Variants in MLKL observed in about 807,000 individuals in gnomAD.
MLKL encodes the protein mixed lineage kinase domain like pseudokinase.
In MLKL, 55 loss-of-function variants were observed where a neutral mutation model predicts 56.5. The observed-to-expected ratio is 0.97, with a 90% confidence interval of 0.78 to 1.22. MLKL has a LOEUF of 1.22. MLKL is among the 50% of genes most tolerant of loss of function. The pLI, the probability that MLKL is intolerant of heterozygous loss-of-function variation, is 0.00. For missense variants in MLKL, 694 were observed against 573.9 expected, an observed-to-expected ratio of 1.21 and a Z score of -2.14; for synonymous variants, 251 against 208.3, an observed-to-expected ratio of 1.20 and a Z score of -1.76.
At chr16:74,697,908 T>A (rs904065350) in intron 1 of MLKL, among the ~76,000 whole-genome samples, 2 of 152,058 alleles carry the variant, frequency 1.3e-5, no homozygotes, top group African/African-American at 4.8e-5. Flanking sequence ...TTTCAAAGTA[T>A]TTAAAATAAA....
At chr16:74,696,954 C>CA (rs1961079685) in intron 1 of MLKL, among the ~76,000 whole-genome samples, 1 of 138,150 alleles carries the variant, frequency 7.2e-6, no homozygotes, top group African/African-American at 3.0e-5. Context: ...TATAATATTA[C>CA]ATATATATAG....
chr16:74,675,143 C>T (rs973525137), intron 9 of MLKL, 43 bp from the exon 10 acceptor site: 7 of 1,607,100 alleles, frequency 4.4e-6, no homozygotes, highest in Admixed American at 1.7e-5. Context: ...TGCTCCGCTA[C>T]TCGTACATCT....
chr16:74,675,454 C>G, intron 8 of MLKL, 50 bp from the exon 9 acceptor site: 1 of 1,600,962 alleles, frequency 6.2e-7, no homozygotes, highest in Non-Finnish European at 8.5e-7. Flanking sequence ...TCCCCTTTCC[C>G]CTGTCCCTCT....
chr16:74,673,895 C>A (rs1368014866), intron 10 of MLKL, among the ~76,000 whole-genome samples: 1 of 147,484 alleles, frequency 6.8e-6, no homozygotes. Context: ...GTGCCATGAT[C>A]CTACCTGTCA....
intron 2 of MLKL, 74 bp from the exon 3 acceptor site, chr16:74,692,490 T>C: frequency 2.5e-6 from 3 of 1,216,184 alleles, no homozygotes; most frequent in South Asian, 1.3e-5. Flanking sequence ...AAAATGCTAA[T>C]TAAAACTGTT....
intron 8 of MLKL, 60 bp downstream of exon 8, chr16:74,675,553 G>C (rs927516737): frequency 1.8e-5 from 29 of 1,582,968 alleles, no homozygotes; most frequent in Non-Finnish European, 2.3e-5. Flanking sequence ...GGAGGAGTTT[G>C]ATTTGGGTTT....
intron 4 of MLKL, among the ~76,000 whole-genome samples, chr16:74,686,062 C>A (rs903305306): frequency 6.6e-6 from 1 of 151,602 alleles, no homozygotes; most frequent in Admixed American, 6.6e-5. Context: ...CAGGTTGAAG[C>A]AATTCTCATG....
chr16:74,684,149 T>C (rs1022005828), intron 5 of MLKL, among the ~76,000 whole-genome samples: 9 of 152,002 alleles, frequency 5.9e-5, no homozygotes, highest in African/African-American at 2.2e-4. Flanking sequence ...GGTTTTATCA[T>C]GTTGGCCAGG....
intron 5 of MLKL, among the ~76,000 whole-genome samples, chr16:74,685,200 C>G (rs1349308226): frequency 1.3e-5 from 2 of 152,162 alleles, no homozygotes; most frequent in Non-Finnish European, 2.9e-5. Context: ...ATGCACCCCT[C>G]TTCCAGGCTG....
At chr16:74,681,334 G>A (rs958849622) in intron 6 of MLKL, among the ~76,000 whole-genome samples, 4 of 152,068 alleles carry the variant, frequency 2.6e-5, no homozygotes, top group Admixed American at 6.6e-5. Context: ...CCTTTATTCC[G>A]ATTTTTAAAA....
rs776783727 is a variant in MLKL, at chr16:74,675,742, T to C, written c.1061A>G (p.Lys354Arg). 13 of 1,614,184 alleles carry C rather than the reference T, an allele frequency of 8.1e-6. No individual in the cohort carries two copies. Among genetic ancestry groups the C allele is most frequent in the Non-Finnish European group, 1.0e-5 (12 of 1,180,040 alleles). The change falls in exon 8 of 11, where the codon AAA (lysine) becomes AGA (arginine). Residue 354 changes from lysine (K) to arginine (R), a missense_variant. Physicochemically the swap from Lys to Arg is conservative, Grantham distance 26 (BLOSUM62 2). Coordinates refer to ENST00000308807, the MANE Select transcript of MLKL (RefSeq NM_152649.4). ...QVKLAGFELR[K>R]TQTSMSLGTT... ...TCCCAAACTCATGGAAGTCTGTGTT[T>C]TCCTCAACTCAAATCCTGCAAGCTA...
chr16:74,695,793 C>G (rs1961003498), intron 1 of MLKL, 34 bp from the exon 2 acceptor site: 2 of 1,532,462 alleles, frequency 1.3e-6, no homozygotes, highest in Admixed American at 1.9e-5. Context: ...GTGAAATCCC[C>G]AAATCTCCTG....
chr16:74,682,176 G>GA (rs1239575576), intron 6 of MLKL, among the ~76,000 whole-genome samples: 4 of 152,068 alleles, frequency 2.6e-5, no homozygotes, highest in African/African-American at 9.7e-5. Context: ...AATCCCTTCA[G>GA]CTCGGGAGGT....
chr16:74,699,032 G>C (rs1961221325), intron 1 of MLKL, among the ~76,000 whole-genome samples: 1 of 152,028 alleles, frequency 6.6e-6, no homozygotes, highest in Non-Finnish European at 1.5e-5. Flanking sequence ...AGAATTGCTT[G>C]AACCCGGGAG....
chr16:74,683,247 T>G (rs1459884779), intron 5 of MLKL, among the ~76,000 whole-genome samples: 1 of 149,140 alleles, frequency 6.7e-6, no homozygotes, highest in Non-Finnish European at 1.5e-5. Context: ...TGGCAGAGAT[T>G]GCACCACTGC....
intron 2 of MLKL, among the ~76,000 whole-genome samples, chr16:74,693,467 A>AAAAAAAT: frequency 1.5e-5 from 1 of 67,760 alleles, no homozygotes; most frequent in East Asian, 3.4e-4. Flanking sequence ...AAAAAAAAAA[A>AAAAAAAT]AGAAAAGAAA....
At position 74,675,608 on chromosome 16, in the gene MLKL, T is replaced by A; in HGVS notation, c.1190+5A>T. ...GTTAGAATCTGTACCAGAACGTGAGTGTACCTGTATATTTCAGACTTTACA... is the reference window on the plus strand; with the variant it reads ...GTTAGAATCTGTACCAGAACGTGAGAGTACCTGTATATTTCAGACTTTACA... On this transcript the variant is annotated splice_donor_5th_base_variant and intron_variant, in intron 8 of 10. Transcript: ENST00000308807. 1 of 1,611,942 alleles carries A rather than the reference T, an allele frequency of 6.2e-7. No homozygotes were observed.
intron 5 of MLKL, among the ~76,000 whole-genome samples, chr16:74,683,166 G>C (rs2144495022): frequency 6.6e-6 from 1 of 152,090 alleles, no homozygotes; most frequent in East Asian, 1.9e-4. Context: ...AAAATTAGCT[G>C]GGTGTGGTGG....
At chr16:74,693,737 G>A (rs1359099353) in intron 2 of MLKL, among the ~76,000 whole-genome samples, 2 of 151,626 alleles carry the variant, frequency 1.3e-5, no homozygotes, top group Admixed American at 6.6e-5. Flanking sequence ...CCGAGTAGCT[G>A]GGACTACAGG....
Sources: allele counts gnomAD v4.1 joint callset (sites outside exome capture counted in the v4.1 genomes callset), GRCh38; gene constraint gnomAD v4.1.1; transcripts MANE v1.5; gene names NCBI Gene and HGNC (gene_info 2026-07-23, HGNC 2026-07-21).